The following NR4A1 variants were observed in gnomAD, a reference collection of about 807,000 sequenced individuals.
NR4A1 encodes the protein nuclear receptor subfamily 4 group A member 1, also known as nuclear receptor subfamily 4immunitygroup A member 1.
In NR4A1, 24 loss-of-function variants were observed where a neutral mutation model predicts 47.5. That is an observed-to-expected ratio of 0.50 (90% CI 0.37 to 0.71). NR4A1 has a LOEUF of 0.71. Ranked by LOEUF, NR4A1 falls within the 30% of genes least tolerant of loss-of-function variation. NR4A1 has a pLI of 0.00. For synonymous variants in NR4A1, 353 were observed against 345.7 expected (o/e 1.02, Z -0.24); for missense variants, 669 against 788.6 (o/e 0.85, Z 1.82).
chr12:52,052,884 A>G (rs1174958533), intron 1 of NR4A1, among the ~76,000 whole-genome samples: 1 of 152,050 alleles, frequency 6.6e-6, no homozygotes, highest in Non-Finnish European at 1.5e-5. Context: ...ATGCCTGTGG[A>G]CTGGTGCCAC....
At chr12:52,041,396 G>C (rs1429037341) in intron 1 of NR4A1, among the ~76,000 whole-genome samples, 1 of 152,122 alleles carries the variant, frequency 6.6e-6, no homozygotes, top group East Asian at 1.9e-4. Flanking sequence ...GGCCTCCGAG[G>C]CTTTAGGGGC....
chr12:52,025,545 G>C (rs1937984123), intron 1 of NR4A1, among the ~76,000 whole-genome samples: 1 of 152,146 alleles, frequency 6.6e-6, no homozygotes, highest in Admixed American at 6.5e-5. Flanking sequence ...AGCCGTCTCT[G>C]GCCGTTCCGT....
intron 2 of NR4A1, among the ~76,000 whole-genome samples, chr12:52,044,321 G>A (rs1049910419): frequency 3.3e-5 from 5 of 152,188 alleles, no homozygotes; most frequent in Non-Finnish European, 7.4e-5. Context: ...CCAGGGGCTT[G>A]GCGTTCTGCT....
In NR4A1 at chr12:52,054,702, C is replaced by A. The variant is rs748349938; in HGVS notation, c.374C>A (p.Ser125Tyr). 1.9e-6 allele frequency: 3 copies of A among 1,613,862 alleles called. No individual in the cohort carries two copies. The Admixed American group carries it at 5.0e-5, about 27-fold the overall frequency. The change falls in exon 2 of 7, where the codon TCC becomes TAC. Residue 125 changes from serine to tyrosine, a missense_variant. Transcript: ENST00000394825. ...AGCGGCCCAGTGGATGAGGCCCTGTCCTCCAGTGGCTCTGACTACTATGGC... is the reference window on the plus strand; with the variant it reads ...AGCGGCCCAGTGGATGAGGCCCTGTACTCCAGTGGCTCTGACTACTATGGC... ...PLSGPVDEAL[S>Y]SSGSDYYGSP...
At chr12:52,028,539 A>G (rs911477217) in intron 1 of NR4A1, among the ~76,000 whole-genome samples, 6 of 152,110 alleles carry the variant, frequency 3.9e-5, no homozygotes, top group African/African-American at 1.4e-4. Context: ...GAGCCACTGC[A>G]CTCCAGCCTC....
In NR4A1 at chr12:52,056,170, G is replaced by A; in HGVS notation, c.1006+11G>A. On this transcript the variant is annotated intron_variant, in intron 3 of 6. Coordinates refer to ENST00000394825, the MANE Select transcript of NR4A1 (RefSeq NM_173157.3). ...GCATGGTGAAGGAAGGTGTGTGGCT[G>A]GGGTGCGGCCCAGCGGGGCAAGGGT... 1.3e-6 allele frequency: 2 copies of A among 1,593,726 alleles called. No individual in the cohort carries two copies. Among genetic ancestry groups the A allele is most frequent in the African/African-American group, 1.3e-5 (1 of 74,430 alleles).
intron 1 of NR4A1, among the ~76,000 whole-genome samples, chr12:52,032,693 G>A (rs1331114196): frequency 1.3e-5 from 2 of 152,152 alleles, no homozygotes; most frequent in Non-Finnish European, 2.9e-5. Context: ...CCAGCTTTCG[G>A]TACCTCTTTA....
At chr12:52,044,113 A>G (rs1013091974) in intron 2 of NR4A1, among the ~76,000 whole-genome samples, 43 of 152,178 alleles carry the variant, frequency 2.8e-4, no homozygotes, top group African/African-American at 1.0e-3. Flanking sequence ...GAGAACTAGG[A>G]GAGGTGTACA....
chr12:52,056,564 C>T lies in NR4A1; in HGVS notation c.1077C>T (p.Ala359=), dbSNP rs375426564. Residue 359 remains alanine (A), a synonymous_variant, in exon 4 of 7, where the codon GCC becomes GCT. Coordinates refer to ENST00000394825, the MANE Select transcript of NR4A1 (RefSeq NM_173157.3). ...LPSKPKQPPD[A]SPANLLTSLV... ...CAAAACCCAAGCAGCCCCCAGATGC[C>T]TCCCCTGCCAATCTCCTCACTTCCC... 24 of 1,613,652 alleles carry T rather than the reference C, an allele frequency of 1.5e-5. No individual in the cohort carries two copies. In the African/African-American group the frequency reaches 2.8e-4, roughly 19 times the overall value.
rs762302331 is a variant in NR4A1, at chr12:52,058,850, A to C, written c.1703A>C (p.Gln568Pro). The change falls in exon 7 of 7, where the codon CAG becomes CCG. Residue 568 changes from glutamine (Q) to proline (P), a missense_variant. Coordinates refer to ENST00000394825, the MANE Select transcript of NR4A1 (RefSeq NM_173157.3). ...KLPELRTLCT[Q>P]GLQRIFYLKL... ...CCCGAGCTGCGGACCCTGTGCACCC[A>C]GGGCCTGCAGCGCATCTTCTACCTC... is the stretch of plus-strand genomic sequence containing the variant. 1 of 1,614,086 alleles carries C rather than the reference A, an allele frequency of 6.2e-7. No homozygotes were observed. The highest frequency in any genetic ancestry group is 8.5e-7 in the Non-Finnish European group (1 of 1,179,966).
chr12:52,053,521 C>T (rs1939088753), intron 1 of NR4A1: 1 of 152,180 alleles, frequency 6.6e-6, no homozygotes, highest in East Asian at 1.9e-4. Context: ...TTCCTCCCCC[C>T]TTGCCCTGTC....
intron 1 of NR4A1, among the ~76,000 whole-genome samples, chr12:52,027,884 A>T (rs1821857061): frequency 6.6e-6 from 1 of 152,166 alleles, no homozygotes; most frequent in Admixed American, 6.5e-5. Context: ...TTCTCCCAGC[A>T]TATGGTGATC....
At chr12:52,029,695 A>AAAAACAAAAACC (rs1372300605) in intron 1 of NR4A1, among the ~76,000 whole-genome samples, 9 of 152,080 alleles carry the variant, frequency 5.9e-5, no homozygotes, top group Non-Finnish European at 1.0e-4. Context: ...CTCAAAAAAC[A>AAAAACAAAAACC]AAAACCACAC....
At position 52,054,804 on chromosome 12, in the gene NR4A1, G is replaced by A. The variant is rs1283791862; in HGVS notation, c.476G>A (p.Gly159Asp). 6.2e-7 allele frequency: 1 copy of A among 1,613,186 alleles called. No individual in the cohort carries two copies. Among genetic ancestry groups the A allele is most frequent in the Non-Finnish European group, 8.5e-7 (1 of 1,179,936 alleles). The change falls in exon 2 of 7, where the codon GGC becomes GAC. Residue 159 changes from glycine (G) to aspartate (D), a missense_variant. Physicochemically the swap from Gly to Asp is moderately conservative, Grantham distance 94. Transcript: ENST00000394825. ...PQLSPWDGSF[G>D]HFSPSQTYEG... ...CTCTCTCCCTGGGATGGCTCCTTCG[G>A]CCACTTCTCGCCCAGCCAGACTTAC...
chr12:52,028,102 T>G (rs1321244728), intron 1 of NR4A1, among the ~76,000 whole-genome samples: 2 of 148,116 alleles, frequency 1.4e-5, no homozygotes, highest in East Asian at 4.0e-4. Flanking sequence ...CTCGGGAGTT[T>G]GAGATGGGAG....
At chr12:52,034,704 G>A (rs1193314894) in intron 1 of NR4A1, among the ~76,000 whole-genome samples, 2 of 152,186 alleles carry the variant, frequency 1.3e-5, no homozygotes, top group African/African-American at 4.8e-5. Context: ...CAGGGCAGAC[G>A]TTTACTGGAC....
intron 1 of NR4A1, among the ~76,000 whole-genome samples, chr12:52,030,809 GA>G (rs1207081149): frequency 6.6e-6 from 1 of 152,130 alleles, no homozygotes; most frequent in African/African-American, 2.4e-5. Flanking sequence ...AGAGACAAAG[GA>G]AAAAAGTCAT....
At chr12:52,036,480 A>G (rs1938239061) in intron 1 of NR4A1, among the ~76,000 whole-genome samples, 1 of 152,178 alleles carries the variant, frequency 6.6e-6, no homozygotes, top group Non-Finnish European at 1.5e-5. Flanking sequence ...TATGGTGGAT[A>G]ATCTGATCAT....
At chr12:52,023,519 C>T (rs1937931491) in intron 1 of NR4A1, among the ~76,000 whole-genome samples, 1 of 152,088 alleles carries the variant, frequency 6.6e-6, no homozygotes, top group Admixed American at 6.5e-5. Context: ...CGTAGCGCAC[C>T]GCCGCCCGCC....
Sources: allele counts gnomAD v4.1 joint callset (sites outside exome capture counted in the v4.1 genomes callset), GRCh38; gene constraint gnomAD v4.1.1; transcripts MANE v1.5; gene names NCBI Gene and HGNC (gene_info 2026-07-23, HGNC 2026-07-21).